The following ADAMTSL1 variants were observed in gnomAD, a reference collection of about 807,000 sequenced individuals.
The protein encoded by ADAMTSL1 is ADAMTS-like protein 1.
ADAMTSL1 carries 126 observed loss-of-function variants against 201.8 expected under a neutral mutation model. That is an observed-to-expected ratio of 0.62 (90% CI 0.54 to 0.72). ADAMTSL1 has a LOEUF of 0.72. ADAMTSL1 is among the 30% of genes least tolerant of loss of function. The pLI, the probability that ADAMTSL1 is intolerant of heterozygous loss-of-function variation, is 0.00. For synonymous variants in ADAMTSL1, 1,121 were observed against 903.4 expected (o/e 1.24, Z -4.32); for missense variants, 2,679 against 2,277.8 (o/e 1.18, Z -3.59).
chr9:18,487,001 T>A (rs1057191736), intron 1 of ADAMTSL1, among the ~76,000 whole-genome samples: 8 of 152,176 alleles, frequency 5.3e-5, no homozygotes, highest in Non-Finnish European at 1.2e-4. Flanking sequence ...CACGTGAAGT[T>A]CCCTTTGAAA....
intron 1 of ADAMTSL1, among the ~76,000 whole-genome samples, chr9:18,077,460 G>A (rs532511212): frequency 1.1e-3 from 174 of 152,216 alleles, no homozygotes; most frequent in Non-Finnish European, 2.2e-3. Flanking sequence ...AAGTCAAGAA[G>A]GGAAAGTGTT....
intron 1 of ADAMTSL1, among the ~76,000 whole-genome samples, chr9:18,147,928 T>G (rs1021944801): frequency 1.3e-5 from 2 of 152,144 alleles, no homozygotes; most frequent in African/African-American, 4.8e-5. Flanking sequence ...CTTTGGCATT[T>G]TAGGAAGTTT....
intron 1 of ADAMTSL1, among the ~76,000 whole-genome samples, chr9:18,124,948 G>T (rs543496968): frequency 1.3e-5 from 2 of 152,276 alleles, no homozygotes; most frequent in African/African-American, 2.4e-5. Context: ...TTAGGAGTTT[G>T]TTGGAGTGAC....
At chr9:18,865,817 C>T (rs1304910897) in intron 23 of ADAMTSL1, among the ~76,000 whole-genome samples, 2 of 152,124 alleles carry the variant, frequency 1.3e-5, no homozygotes, top group Admixed American at 1.3e-4. Flanking sequence ...CCTCCTCAGC[C>T]ACCTCACTAA....
At chr9:18,352,240 A>G (rs531473849) in intron 2 of ADAMTSL1, among the ~76,000 whole-genome samples, 1 of 152,340 alleles carries the variant, frequency 6.6e-6, no homozygotes, top group South Asian at 2.1e-4. Flanking sequence ...CATTGTAAGA[A>G]GTGTTTGGAA....
chr9:18,043,030 A>G (rs996555612), intron 1 of ADAMTSL1, among the ~76,000 whole-genome samples: 1 of 152,206 alleles, frequency 6.6e-6, no homozygotes, highest in African/African-American at 2.4e-5. Context: ...AAAAGTAAGG[A>G]AAAGAAAGTC....
intron 24 of ADAMTSL1, among the ~76,000 whole-genome samples, chr9:18,889,217 A>G (rs76624797): frequency 1.1e-3 from 175 of 152,354 alleles, no homozygotes; most frequent in African/African-American, 3.8e-3. Context: ...AGGAAAAAAA[A>G]GTACTGTAGC....
At chr9:18,269,005 T>C (rs1030563279) in intron 2 of ADAMTSL1, among the ~76,000 whole-genome samples, 14 of 152,160 alleles carry the variant, frequency 9.2e-5, no homozygotes, top group Non-Finnish European at 2.1e-4. Context: ...GTATTTCTTA[T>C]AGTTTTGAAG....
intron 2 of ADAMTSL1, among the ~76,000 whole-genome samples, chr9:18,194,144 AAAG>A (rs1170032906): frequency 6.6e-6 from 1 of 152,142 alleles, no homozygotes; most frequent in Non-Finnish European, 1.5e-5. Flanking sequence ...AGGAAGAAAA[AAAG>A]AAGAGCATTT....
chr9:18,131,833 C>T (rs780622942), intron 1 of ADAMTSL1, among the ~76,000 whole-genome samples: 1 of 152,012 alleles, frequency 6.6e-6, no homozygotes, highest in African/African-American at 2.4e-5. Flanking sequence ...GTGTGGGCCA[C>T]CTTGCTTCCC....
intron 1 of ADAMTSL1, among the ~76,000 whole-genome samples, chr9:18,036,055 A>G (rs1821182632): frequency 6.6e-6 from 1 of 152,170 alleles, no homozygotes; most frequent in Non-Finnish European, 1.5e-5. Context: ...TACACAAGGG[A>G]TCTCATGTAG....
chr9:18,515,244 G>A (rs1474315928), intron 2 of ADAMTSL1, among the ~76,000 whole-genome samples: 7 of 152,114 alleles, frequency 4.6e-5, no homozygotes, highest in South Asian at 2.1e-4. Context: ...AATTGCTGCC[G>A]TCTCGAAGGG....
intron 23 of ADAMTSL1, among the ~76,000 whole-genome samples, chr9:18,844,428 G>T (rs1367246017): frequency 6.6e-6 from 1 of 152,170 alleles, no homozygotes; most frequent in Non-Finnish European, 1.5e-5. Flanking sequence ...GGCCGTGTAA[G>T]GTGTCAGTCT....
At chr9:18,430,646 A>G (rs1819446919) in intron 2 of ADAMTSL1, among the ~76,000 whole-genome samples, 2 of 152,202 alleles carry the variant, frequency 1.3e-5, no homozygotes, top group South Asian at 4.1e-4. Context: ...CACACAACTA[A>G]AAGAGGCTTG....
At chr9:18,128,477 C>T (rs1251620924) in intron 1 of ADAMTSL1, among the ~76,000 whole-genome samples, 1 of 152,280 alleles carries the variant, frequency 6.6e-6, no homozygotes, top group South Asian at 2.1e-4. Context: ...ATTCTCCCAC[C>T]TCAGTCTACC....
intron 4 of ADAMTSL1, among the ~76,000 whole-genome samples, chr9:18,601,621 C>T (rs1464267860): frequency 1.3e-5 from 2 of 152,002 alleles, no homozygotes; most frequent in African/African-American, 2.4e-5. Flanking sequence ...AGTGCCAGGT[C>T]TGTAATTATT....
At chr9:18,091,280 G>A (rs1255371634) in intron 1 of ADAMTSL1, among the ~76,000 whole-genome samples, 1 of 151,898 alleles carries the variant, frequency 6.6e-6, no homozygotes, top group Non-Finnish European at 1.5e-5. Flanking sequence ...TTATTTATAT[G>A]GTGTCTCATC....
At chr9:18,482,290 G>T (rs964748287) in intron 1 of ADAMTSL1, among the ~76,000 whole-genome samples, 1 of 152,206 alleles carries the variant, frequency 6.6e-6, no homozygotes, top group Non-Finnish European at 1.5e-5. Context: ...TTATTTGGGT[G>T]CACCTCATAA....
chr9:18,044,755 C>G (rs1050335520), intron 1 of ADAMTSL1, among the ~76,000 whole-genome samples: 1 of 152,070 alleles, frequency 6.6e-6, no homozygotes, highest in Non-Finnish European at 1.5e-5. Flanking sequence ...TTCATTTTAC[C>G]TTATCTGGAT....
Sources: gnomAD v4.1 joint callset for allele counts (sites outside exome capture counted in the v4.1 genomes callset) on GRCh38, gnomAD v4.1.1 for gene constraint, MANE v1.5 for transcripts, NCBI Gene and HGNC (gene_info 2026-07-23, HGNC 2026-07-21) for gene names.